ADGRL1: variants seen among roughly 807,000 people sequenced by gnomAD.
ADGRL1 encodes CIRL-1.
In ADGRL1, 31 loss-of-function variants were observed where a neutral mutation model predicts 148.9. The observed-to-expected ratio is 0.21, with a 90% confidence interval of 0.16 to 0.28. The LOEUF (loss-of-function observed/expected upper bound fraction) is 0.28, where lower values mean the gene tolerates loss of function less well. Ranked by LOEUF, ADGRL1 falls within the 10% of genes least tolerant of loss-of-function variation. The pLI is 1.00. For missense variants in ADGRL1, 1,521 were observed against 2,058.8 expected (o/e 0.74, Z 5.05); for synonymous variants, 937 against 900.3 (o/e 1.04, Z -0.73).
In ADGRL1 at chr19:14,152,335, G is replaced by A; in HGVS notation, c.3623C>T (p.Ser1208Phe). The stretch of plus-strand genomic sequence containing the variant: ...TGGGGAGTTGAAGACAGGGGGCGAG[G>A]AGGGATTGAAGCCCACTGACTCGGC... ...LIAESVGFNP[S>F]SPPVFNSPGS... Residue 1208 changes from serine (S) to phenylalanine (F), a missense_variant, in exon 21 of 23, where the codon TCC becomes TTC. By Grantham distance (155) the Ser-to-Phe change is radical. This residue lies in a region of ADGRL1 where 390 missense variants were observed against 375.0 expected (regional missense o/e 1.04). Coordinates refer to ENST00000361434, the MANE Select transcript of ADGRL1 (RefSeq NM_014921.5). This position sits in a 1 kb window ranked among gnomAD's most constrained non-coding sequence, Gnocchi z 6.1. 6.3e-7 allele frequency: 1 copy of A among 1,598,174 alleles called. No homozygotes were observed. The highest frequency in any genetic ancestry group is 8.5e-7 in the Non-Finnish European group (1 of 1,170,334).
At position 14,160,475 on chromosome 19, in the gene ADGRL1, C is replaced by G. The variant is rs1286632407; in HGVS notation, c.1614+118G>C. On this transcript the variant is annotated intron_variant, in intron 7 of 22. Coordinates refer to ENST00000361434, the MANE Select transcript of ADGRL1 (RefSeq NM_014921.5). The surrounding 1 kb of genome is among the most constrained non-coding windows in gnomAD (Gnocchi z 5.9). ...TTTGTAGGCCAGGGAGGTGACCCCA[C>G]AGTCCTGCCTTCCAGACCTGCCAGC... 2 of 937,060 alleles carry G rather than the reference C, an allele frequency of 2.1e-6. No individual in the cohort carries two copies. The highest frequency in any genetic ancestry group is 3.2e-6 in the Non-Finnish European group (2 of 631,508). 58.0% of individuals were successfully genotyped at this position (937,060 alleles called of 1,614,324 possible).
rs1278253227 is a variant in ADGRL1 at position 14,183,827 on chromosome 19, GC to G, written c.-95-131del. 7.3e-6 allele frequency: 4 copies of G among 547,720 alleles called. No homozygotes were observed. In the East Asian group the frequency reaches 9.5e-5, roughly 13 times the overall value. The allele number at this position is 547,720 out of a possible 1,614,324, so 33.9% of individuals were successfully genotyped here. On this transcript the variant is annotated intron_variant, in intron 1 of 22. Coordinates refer to ENST00000361434, the MANE Select transcript of ADGRL1 (RefSeq NM_014921.5). ...CCCTCGAGCCAGCCCTATCTGTAGG[GC>G]CCCCTCCGGGGTCTGCAGCTCACAC... is the stretch of plus-strand genomic sequence containing the variant.
In ADGRL1 at chr19:14,177,753, A is replaced by T; in HGVS notation, c.71-9T>A. 6.2e-7 allele frequency: 1 copy of T among 1,606,738 alleles called. No homozygotes were observed. The highest frequency in any genetic ancestry group is 1.1e-5 in the South Asian group (1 of 90,984). ...CCCGGCCCGGCTCAGGCCTGCAGGG[A>T]GGGTTGGGGATGGTGTCACTCCTGG... is the stretch of plus-strand genomic sequence containing the variant. On this transcript the variant is annotated splice_polypyrimidine_tract_variant and intron_variant, in intron 2 of 22. Transcript: ENST00000361434.
chr19:14,187,218 A>G (rs1489720821), intron 1 of ADGRL1, among the ~76,000 whole-genome samples: 1 of 152,170 alleles, frequency 6.6e-6, no homozygotes, highest in Non-Finnish European at 1.5e-5. Flanking sequence ...GGGTGCCTGT[A>G]ATCCCAGCTA....
chr19:14,186,469 CCT>C (rs1316446340), intron 1 of ADGRL1, among the ~76,000 whole-genome samples: 3 of 152,150 alleles, frequency 2.0e-5, no homozygotes, highest in Admixed American at 2.0e-4. Flanking sequence ...CCTCACCTTC[CCT>C]GTCATCCCCC....
chr19:14,150,945 G>A lies in ADGRL1; in HGVS notation c.4338C>T (p.Tyr1446=), dbSNP rs959711877. ...GCCCCTCAAGGCCTGGGGCTGCCAGGTAGCCCTCGTGGCTAGGACGCCGCA... is the reference window on the plus strand; with the variant it reads ...GCCCCTCAAGGCCTGGGGCTGCCAGATAGCCCTCGTGGCTAGGACGCCGCA... The part of the protein sequence containing the change: ...YQVRRPSHEG[Y]LAAPGLEGPG... Residue 1446 remains tyrosine (Y), a synonymous_variant, in exon 23 of 23, where the codon TAC becomes TAT. Transcript: ENST00000361434. The A allele has an allele frequency of 3.1e-6, 5 of 1,610,248 alleles. No individual in the cohort carries two copies. Among genetic ancestry groups the A allele is most frequent in the Non-Finnish European group, 4.2e-6 (5 of 1,179,042 alleles).
At chr19:14,156,595 T>C in intron 16 of ADGRL1, 63 bp downstream of exon 16, 3 of 1,205,038 alleles carry the variant, frequency 2.5e-6, no homozygotes, top group Non-Finnish European at 3.4e-6. Flanking sequence ...GGGCAGGGGC[T>C]GGGGTCAAGG....
rs941488591 is a variant in ADGRL1 at position 14,151,018 on chromosome 19, C to T, written c.4265G>A (p.Arg1422His). 3.8e-5 allele frequency: 50 copies of T among 1,307,816 alleles called. No homozygotes were observed. Among genetic ancestry groups the T allele is most frequent in the Admixed American group, 7.2e-5 (3 of 41,510 alleles). 81.0% of individuals were successfully genotyped at this position (1,307,816 alleles called of 1,614,324 possible). A position where few individuals can be genotyped will look rare whatever the true frequency, so the allele number is the denominator to read the frequency against. ...ATTCCGGGCCACCAGGGCTGGCGGG[C>T]GCGAGGTGTAGTAGATTTCGGGGGG... ...PGPPEIYYTS[R>H]PPALVARNPL... Residue 1422 changes from arginine to histidine, a missense_variant, in exon 23 of 23, where the codon CGC (arginine) becomes CAC (histidine). Arg to His is a conservative substitution (Grantham distance 29). Coordinates refer to ENST00000361434, the MANE Select transcript of ADGRL1 (RefSeq NM_014921.5).
Position 14,157,008 on chromosome 19 carries a change from G to C in ADGRL1, c.2883C>G (p.Tyr961Ter). The change falls in exon 15 of 23, where the codon TAC becomes TAG. Residue 961 changes from tyrosine to a stop codon, truncating the protein, a stop_gained. Coordinates refer to ENST00000361434, the MANE Select transcript of ADGRL1 (RefSeq NM_014921.5). LOFTEE classifies it high-confidence loss of function. The surrounding 1 kb of genome is among the most constrained non-coding windows in gnomAD (Gnocchi z 7.5). ...FESEYSRTKY[Y>*]YLGGYCFPAL... ...CCGGGAAGCAGTAGCCACCCAGGTA[G>C]TAGTACTTGGTGCGGGAATACTCGC... The C allele has an allele frequency of 6.2e-7, 1 of 1,614,012 alleles. No individual in the cohort carries two copies. The highest frequency in any genetic ancestry group is 8.5e-7 in the Non-Finnish European group (1 of 1,179,976).
chr19:14,197,051 T>C (rs1363557141), intron 1 of ADGRL1, among the ~76,000 whole-genome samples: 2 of 152,116 alleles, frequency 1.3e-5, no homozygotes, highest in African/African-American at 4.8e-5. Flanking sequence ...CAATGCAGAA[T>C]TGCTTGTGTC....
At chr19:14,205,047 A>G (rs73509802) in intron 1 of ADGRL1, among the ~76,000 whole-genome samples, 1,780 of 151,968 alleles carry the variant, frequency 0.012, 35 homozygotes, top group African/African-American at 0.041. Context: ...GTGTAGAGAC[A>G]GGGGTGTGTG....
intron 3 of ADGRL1, among the ~76,000 whole-genome samples, chr19:14,174,813 G>A (rs1045307501): frequency 2.7e-5 from 4 of 149,676 alleles, no homozygotes; most frequent in African/African-American, 9.9e-5. Flanking sequence ...TGGGATTACA[G>A]GCGTGAAACA....
chr19:14,150,722 C>T lies in ADGRL1; in HGVS notation c.*151G>A. ...CACCTCAGGCCCCCAGGTTAGAGTC[C>T]CCTGAGGGGACTGTAGGGCCCATGG... On this transcript the variant is annotated 3_prime_UTR_variant, in exon 23 of 23. Coordinates refer to ENST00000361434, the MANE Select transcript of ADGRL1 (RefSeq NM_014921.5). 2.2e-6 allele frequency: 2 copies of T among 901,424 alleles called. No homozygotes were observed. The highest frequency in any genetic ancestry group is 3.3e-6 in the Non-Finnish European group (2 of 609,826). The allele number at this position is 901,424 out of a possible 1,614,324, so 55.8% of individuals were successfully genotyped here. A position where few individuals can be genotyped will look rare whatever the true frequency, so the allele number is the denominator to read the frequency against.
intron 1 of ADGRL1, among the ~76,000 whole-genome samples, chr19:14,204,558 T>G (rs1305203972): frequency 1.3e-5 from 2 of 151,986 alleles, no homozygotes; most frequent in East Asian, 1.9e-4. Flanking sequence ...CCAAACAGCA[T>G]GGAGGTCAAC....
At chr19:14,186,618 C>T (rs932629352) in intron 1 of ADGRL1, among the ~76,000 whole-genome samples, 4 of 152,090 alleles carry the variant, frequency 2.6e-5, no homozygotes, top group East Asian at 1.9e-4. Context: ...CCTCCTTGCC[C>T]GCCTCCCAAT....
chr19:14,202,493 T>A (rs559321782), intron 1 of ADGRL1, among the ~76,000 whole-genome samples: 2 of 152,204 alleles, frequency 1.3e-5, no homozygotes, highest in South Asian at 4.1e-4. Flanking sequence ...CCTCAGGTGA[T>A]CCACCCGCCT....
intron 3 of ADGRL1, among the ~76,000 whole-genome samples, 195 bp downstream of exon 3, chr19:14,177,336 C>A (rs549304396): frequency 6.6e-6 from 1 of 152,050 alleles, no homozygotes; most frequent in Admixed American, 6.6e-5. Flanking sequence ...AGGCCTCTGT[C>A]GGGGGCACAG....
intron 4 of ADGRL1, among the ~76,000 whole-genome samples, chr19:14,166,562 C>CAGAGAGAGAGAGAGAGAGAA (rs1235849139): frequency 6.7e-6 from 1 of 148,162 alleles, no homozygotes; most frequent in Non-Finnish European, 1.5e-5. Flanking sequence ...AGGGGAGAGA[C>CAGAGAGAGAGAGAGAGAGAA]AGAGAGAGAG....
rs574747768 is a variant in ADGRL1 at position 14,185,402 on chromosome 19, T to A, written c.-95-1705A>T. Among the ~76,000 whole-genome samples the A allele has an allele frequency of 2.0e-5, 3 of 152,264 alleles. No homozygotes were observed. The East Asian group carries it at 5.8e-4, about 29-fold the overall frequency. On this transcript the variant is annotated intron_variant, in intron 1 of 22. Transcript: ENST00000361434. ...TCCAGATCCTGGGTTCAAGTGATGC[T>A]CCTACTTCAGCCTTTCGAGTAGCTG...
Sources: allele counts gnomAD v4.1 joint callset (sites outside exome capture counted in the v4.1 genomes callset), GRCh38; gene constraint gnomAD v4.1.1; regional missense constraint gnomAD v4.1.1; non-coding constraint Gnocchi (gnomAD v3.1); transcripts MANE v1.5; gene names NCBI Gene and HGNC (gene_info 2026-07-23, HGNC 2026-07-21).